Variants in NXPE2 observed in about 807,000 individuals in gnomAD.
The protein encoded by NXPE2 is NXPE family member 2.
NXPE2 carries 34 observed loss-of-function variants against 34.4 expected under a neutral mutation model. The ratio of observed to expected loss-of-function variants is 0.99; its 90% CI spans 0.75 to 1.31. NXPE2 has a LOEUF of 1.31. NXPE2 is among the 40% of genes most tolerant of loss of function. The pLI is 0.00. For missense variants in NXPE2, 649 were observed against 672.5 expected (o/e 0.97, Z 0.39); for synonymous variants, 235 against 231.3 (o/e 1.02, Z -0.15).
At chr11:114,514,326 G>A in the NXPE2 span, among the ~76,000 whole-genome samples, 2 of 152,076 alleles carry the variant, frequency 1.3e-5, no homozygotes, top group Non-Finnish European at 2.9e-5. Flanking sequence ...TCCTGGAAAT[G>A]GAAGCTTAAA....
At chr11:114,483,618 C>G in the NXPE2 span, among the ~76,000 whole-genome samples, 1 of 152,174 alleles carries the variant, frequency 6.6e-6, no homozygotes, top group African/African-American at 2.4e-5. Flanking sequence ...TTTTCTGTGT[C>G]TGGCTTAATA....
At chr11:114,629,068 T>C in the NXPE2 span, among the ~76,000 whole-genome samples, 1 of 152,008 alleles carries the variant, frequency 6.6e-6, no homozygotes, top group Admixed American at 6.6e-5. Context: ...ACCAGATGGA[T>C]TCACAGTCGA....
intron 2 of NXPE2, among the ~76,000 whole-genome samples, chr11:114,691,199 G>A (rs887866973): frequency 6.6e-6 from 1 of 152,080 alleles, no homozygotes; most frequent in Non-Finnish European, 1.5e-5. Context: ...ATCTGACGGA[G>A]TTGACACTTC....
chr11:114,616,643 T>G, the NXPE2 span, among the ~76,000 whole-genome samples: 1 of 151,610 alleles, frequency 6.6e-6, no homozygotes, highest in Non-Finnish European at 1.5e-5. Context: ...ATAATAAATG[T>G]TGCCTATTGG....
the NXPE2 span, among the ~76,000 whole-genome samples, chr11:114,724,113 G>A: frequency 1.3e-5 from 2 of 152,118 alleles, no homozygotes; most frequent in Non-Finnish European, 2.9e-5. Context: ...TCCTATCAGT[G>A]GAGACCATTA....
chr11:114,675,986 G>T (rs1251245894), upstream of NXPE2, among the ~76,000 whole-genome samples: 1 of 151,828 alleles, frequency 6.6e-6, no homozygotes, highest in Non-Finnish European at 1.5e-5. Context: ...GGTGCCAAAA[G>T]CACACAATGG....
the NXPE2 span, among the ~76,000 whole-genome samples, chr11:114,745,067 G>A: frequency 6.6e-6 from 1 of 151,924 alleles, no homozygotes; most frequent in Non-Finnish European, 1.5e-5. Flanking sequence ...ATGCAAACAA[G>A]AATAATAAAA....
the NXPE2 span, among the ~76,000 whole-genome samples, chr11:114,728,749 G>T: frequency 3.9e-5 from 6 of 151,924 alleles, no homozygotes; most frequent in Non-Finnish European, 8.8e-5. Context: ...TGGACAATAT[G>T]TAAATAAATA....
the NXPE2 span, among the ~76,000 whole-genome samples, chr11:114,753,251 G>A: frequency 6.6e-6 from 1 of 152,012 alleles, no homozygotes; most frequent in Non-Finnish European, 1.5e-5. Context: ...AAGTTAGCTG[G>A]GTGTGCTGGC....
chr11:114,608,315 C>T, the NXPE2 span, among the ~76,000 whole-genome samples: 9 of 151,678 alleles, frequency 5.9e-5, no homozygotes, highest in Non-Finnish European at 1.0e-4. Flanking sequence ...TCATGGGTAA[C>T]CAGTGTTACT....
At chr11:114,688,176 A>T (rs1951081924) in intron 2 of NXPE2, among the ~76,000 whole-genome samples, 2 of 152,022 alleles carry the variant, frequency 1.3e-5, no homozygotes, top group Admixed American at 1.3e-4. Flanking sequence ...CCTAGGGAAA[A>T]TGCTTCCAGT....
At chr11:114,651,974 C>G in the NXPE2 span, among the ~76,000 whole-genome samples, 36 of 152,324 alleles carry the variant, frequency 2.4e-4, no homozygotes, top group African/African-American at 6.7e-4. Context: ...CAGTGGCACT[C>G]CAGCTTGCTG....
downstream of NXPE2, chr11:114,707,408 AT>A: frequency 2.4e-6 from 1 of 418,824 alleles, no homozygotes; most frequent in Admixed American, 2.6e-5. Context: ...ATTTTATTTT[AT>A]TTTTCGAGAC....
At chr11:114,647,001 C>T in the NXPE2 span, among the ~76,000 whole-genome samples, 1 of 152,202 alleles carries the variant, frequency 6.6e-6, no homozygotes, top group African/African-American at 2.4e-5. Flanking sequence ...AGAAGAGACA[C>T]TGACGGCACA....
At chr11:114,621,856 G>T in the NXPE2 span, among the ~76,000 whole-genome samples, 1 of 151,928 alleles carries the variant, frequency 6.6e-6, no homozygotes, top group African/African-American at 2.4e-5. Context: ...TTGCCTCATG[G>T]GTAAACACTG....
At chr11:114,513,296 G>A in the NXPE2 span, 1 of 457,250 alleles carries the variant, frequency 2.2e-6, no homozygotes, top group Non-Finnish European at 4.3e-6. Flanking sequence ...GTGGGTGAAA[G>A]GTCTGGGTGG....
chr11:114,740,141 A>C, the NXPE2 span, among the ~76,000 whole-genome samples: 1 of 152,180 alleles, frequency 6.6e-6, no homozygotes, highest in Non-Finnish European at 1.5e-5. Context: ...ATAAAATAGA[A>C]CAATTATAAC....
the NXPE2 span, among the ~76,000 whole-genome samples, chr11:114,718,820 G>T: frequency 1.3e-5 from 2 of 152,184 alleles, no homozygotes; most frequent in Non-Finnish European, 2.9e-5. Flanking sequence ...AGCTAGTGTA[G>T]ACATATTGCT....
At chr11:114,680,002 C>A (rs1324743680) in intron 2 of NXPE2, among the ~76,000 whole-genome samples, 1 of 152,026 alleles carries the variant, frequency 6.6e-6, no homozygotes, top group Non-Finnish European at 1.5e-5. Flanking sequence ...TGGATTTGTG[C>A]CATCTCTGTA....
Sources: allele counts gnomAD v4.1 joint callset (sites outside exome capture counted in the v4.1 genomes callset), GRCh38; gene constraint gnomAD v4.1.1; transcripts MANE v1.5; gene names NCBI Gene and HGNC (gene_info 2026-07-23, HGNC 2026-07-21).